AMZ2: variants seen among roughly 807,000 people sequenced by gnomAD.
AMZ2 encodes archaelysin family metallopeptidase 2.
A neutral mutation model predicts 36.7 loss-of-function variants in AMZ2; 26 were observed. The observed-to-expected ratio is 0.71, with a 90% CI of 0.52 to 0.98. The LOEUF (loss-of-function observed/expected upper bound fraction) is 0.98. Among genes scored for constraint, AMZ2 ranks in the 50% least tolerant of loss-of-function variants. AMZ2 has a pLI of 0.00. For missense variants in AMZ2, 394 were observed against 430.5 expected, an observed-to-expected ratio of 0.92 and a Z score of 0.75; for synonymous variants, 144 against 149.1, an observed-to-expected ratio of 0.97 and a Z score of 0.25.
chr17:68,247,357 A>AGAAATAAG (rs1568369155), upstream of AMZ2: 1 of 133,720 alleles, frequency 7.5e-6, no homozygotes, highest in African/African-American at 3.1e-5. Flanking sequence ...AAAAAAAAAA[A>AGAAATAAG]AAAGCAAGAA....
At chr17:68,209,557 ATAT>A (rs1640028553) in intron 1 of AMZ2, among the ~76,000 whole-genome samples, 1 of 149,226 alleles carries the variant, frequency 6.7e-6, no homozygotes, top group African/African-American at 2.5e-5. Flanking sequence ...TTGTAAAATA[ATAT>A]TATAGAAGAA....
intron 1 of AMZ2, among the ~76,000 whole-genome samples, chr17:68,218,852 A>G (rs573622860): frequency 1.1e-4 from 16 of 152,252 alleles, no homozygotes; most frequent in African/African-American, 3.1e-4. Flanking sequence ...ATTGTTTGCT[A>G]TGCCTTTAAA....
chr17:68,252,061 T>G (rs2074526043), intron 4 of AMZ2, among the ~76,000 whole-genome samples: 1 of 152,084 alleles, frequency 6.6e-6, no homozygotes, highest in African/African-American at 2.4e-5. Flanking sequence ...CCCCTCCCCT[T>G]AATTATTGTT....
chr17:68,247,945 G>C (rs1399605446), upstream of AMZ2: 2 of 984,532 alleles, frequency 2.0e-6, no homozygotes, highest in South Asian at 4.7e-5. Context: ...GCGTGGCATG[G>C]GTGGGTCGTG....
At chr17:68,211,752 A>ATG (rs1181556927) in intron 1 of AMZ2, among the ~76,000 whole-genome samples, 22 of 132,870 alleles carry the variant, frequency 1.7e-4, no homozygotes, top group South Asian at 7.1e-4. Context: ...ATATGTATAT[A>ATG]TGTATATGTA....
chr17:68,212,333 C>T (rs2073088916), intron 1 of AMZ2, among the ~76,000 whole-genome samples: 1 of 151,958 alleles, frequency 6.6e-6, no homozygotes, highest in Non-Finnish European at 1.5e-5. Flanking sequence ...GAATATACCA[C>T]TGCACTCCAG....
chr17:68,244,142 A>G (rs1363228393), upstream of AMZ2, among the ~76,000 whole-genome samples: 2 of 152,232 alleles, frequency 1.3e-5, no homozygotes, highest in Non-Finnish European at 2.9e-5. Flanking sequence ...GAAGGCTAGA[A>G]TGAATGAACT....
At chr17:68,254,601 T>G (rs782253936) in intron 5 of AMZ2, 34 bp downstream of exon 5, 1 of 1,546,064 alleles carries the variant, frequency 6.5e-7, no homozygotes, top group Admixed American at 1.8e-5. Context: ...AGGACAGTTC[T>G]TTAAAAGAGA....
chr17:68,215,196 A>G (rs1158325072), intron 1 of AMZ2, among the ~76,000 whole-genome samples: 3 of 152,186 alleles, frequency 2.0e-5, no homozygotes, highest in African/African-American at 2.4e-5. Context: ...TTTTAAATGT[A>G]TATTCTATGT....
chr17:68,214,067 T>C (rs1331456502), intron 1 of AMZ2, among the ~76,000 whole-genome samples: 1 of 151,538 alleles, frequency 6.6e-6, no homozygotes, highest in Admixed American at 6.6e-5. Flanking sequence ...GCATGGTCTG[T>C]TTCTTCTAAG....
At chr17:68,226,898 A>C (rs2073529623) in intron 1 of AMZ2, among the ~76,000 whole-genome samples, 1 of 147,428 alleles carries the variant, frequency 6.8e-6, no homozygotes, top group Non-Finnish European at 1.5e-5. Flanking sequence ...GCAAGCTGCC[A>C]CTTCCTAGGG....
In AMZ2 at chr17:68,256,745, A is replaced by G. The variant is rs139896934; in HGVS notation, c.928-69A>G. 1.4e-3 allele frequency: 2,185 copies of G among 1,513,510 alleles called. 18 individuals carry two copies. In the African/African-American group the frequency reaches 0.027, roughly 19 times the overall value. The allele number at this position is 1,513,510 out of a possible 1,614,324, so 93.8% of individuals were successfully genotyped here. The stretch of plus-strand genomic sequence containing the variant: ...ATGTCACCCTATGATCTAGAAGCCA[A>G]TGCTTCTCTCTTGCCTGATGGTATT... On this transcript the variant is annotated intron_variant, in intron 6 of 6. Coordinates refer to ENST00000359904, the MANE Select transcript of AMZ2 (RefSeq NM_016627.5).
At chr17:68,227,572 T>A (rs1242535077) in intron 1 of AMZ2, among the ~76,000 whole-genome samples, 1 of 152,208 alleles carries the variant, frequency 6.6e-6, no homozygotes, top group Non-Finnish European at 1.5e-5. Flanking sequence ...CAGCTTCTGG[T>A]GGCCAGCCGC....
chr17:68,252,139 A>C (rs546208322), intron 4 of AMZ2, among the ~76,000 whole-genome samples: 1 of 151,870 alleles, frequency 6.6e-6, no homozygotes, highest in African/African-American at 2.4e-5. Flanking sequence ...CCCTAAGGGG[A>C]GTGGTTCATT....
rs1555725684 is a variant in AMZ2, at chr17:68,210,704, T to C, written c.-67+4466T>C. Among the ~76,000 whole-genome samples, 3 of 152,076 alleles carry C rather than the reference T, an allele frequency of 2.0e-5. 1 individual carries two copies. The highest frequency in any genetic ancestry group is 4.1e-4 in the South Asian group (2 of 4,822). On this transcript the variant is annotated intron_variant, in intron 1 of 7. Transcript: ENST00000674770. Reference sequence around the variant, plus strand: ...AGCTCATGCCTGTAATTCCAGCACTTTGGGGGGCCACGGTGGGAGGATCAC... The same window carrying C: ...AGCTCATGCCTGTAATTCCAGCACTCTGGGGGGCCACGGTGGGAGGATCAC...
intron 1 of AMZ2, among the ~76,000 whole-genome samples, chr17:68,207,899 C>T (rs2072890575): frequency 1.3e-5 from 2 of 151,422 alleles, no homozygotes; most frequent in Admixed American, 6.6e-5. Flanking sequence ...GCGGTGCTTG[C>T]GGGCCAGCGT....
intron 1 of AMZ2, among the ~76,000 whole-genome samples, chr17:68,225,680 C>A (rs797026803): frequency 5.3e-5 from 8 of 152,164 alleles, no homozygotes; most frequent in African/African-American, 1.9e-4. Context: ...GTTGCCCAGG[C>A]TGGAGTGCAG....
chr17:68,250,306 C>G lies in AMZ2; in HGVS notation c.119C>G (p.Ala40Gly), dbSNP rs369804773. ...GGGGAACAACGTTTAATGAATGAAG[C>G]CTTCCAGCCAGCCAGTGATCTCTTT... ...NAGEQRLMNE[A>G]FQPASDLFGP... The change falls in exon 2 of 7, where the codon GCC (alanine) becomes GGC (glycine). Residue 40 changes from alanine to glycine, a missense_variant. By Grantham distance (60) the Ala-to-Gly change is moderately conservative. Coordinates refer to ENST00000359904, the MANE Select transcript of AMZ2 (RefSeq NM_016627.5). 6.2e-7 allele frequency: 1 copy of G among 1,614,026 alleles called. No individual in the cohort carries two copies. The highest frequency in any genetic ancestry group is 2.2e-5 in the East Asian group (1 of 44,900).
intron 1 of AMZ2, among the ~76,000 whole-genome samples, chr17:68,219,568 G>A (rs1486913274): frequency 2.7e-5 from 4 of 150,756 alleles, no homozygotes; most frequent in African/African-American, 9.8e-5. Context: ...GTCTCACTCT[G>A]CCACCCAGGC....
Sources: gnomAD v4.1 joint callset for allele counts (sites outside exome capture counted in the v4.1 genomes callset) on GRCh38, gnomAD v4.1.1 for gene constraint, MANE v1.5 for transcripts, NCBI Gene and HGNC (gene_info 2026-07-23, HGNC 2026-07-21) for gene names.